TRAF3IP2: variants seen among roughly 807,000 people sequenced by gnomAD.
TRAF3IP2 encodes TRAF3 interacting protein 2.
A neutral mutation model predicts 57.9 loss-of-function variants in TRAF3IP2; 35 were observed. That is an observed-to-expected ratio of 0.60 (90% CI 0.46 to 0.80). The LOEUF (loss-of-function observed/expected upper bound fraction) is 0.80, where lower values mean the gene tolerates loss of function less well. TRAF3IP2 is among the 30% of genes least tolerant of loss of function. The probability of loss-of-function intolerance (pLI) is 0.00; values close to 1 mark genes in which losing one functional copy is unlikely to be tolerated. For synonymous variants in TRAF3IP2, 251 were observed against 268.9 expected (o/e 0.93, Z 0.65); for missense variants, 556 against 706.4 (o/e 0.79, Z 2.41).
At chr6:111,605,126 G>C (rs757525572) in intron 1 of TRAF3IP2, among the ~76,000 whole-genome samples, 11 of 151,412 alleles carry the variant, frequency 7.3e-5, no homozygotes, top group Middle Eastern at 3.2e-3. Context: ...ATACCATCTT[G>C]AACTTGAAAG....
At chr6:111,595,912 A>T (rs1167182166) in intron 1 of TRAF3IP2, among the ~76,000 whole-genome samples, 1 of 152,164 alleles carries the variant, frequency 6.6e-6, no homozygotes, top group African/African-American at 2.4e-5. Flanking sequence ...CCTACCTTCA[A>T]GTTGCTGTGA....
At chr6:111,560,387 G>A (rs893953115) in intron 8 of TRAF3IP2, among the ~76,000 whole-genome samples, 6 of 152,230 alleles carry the variant, frequency 3.9e-5, no homozygotes, top group Non-Finnish European at 5.9e-5. Context: ...AGTAGGTGCA[G>A]AGGTCTGGAA....
intron 8 of TRAF3IP2, among the ~76,000 whole-genome samples, chr6:111,560,326 T>C (rs1292501621): frequency 6.6e-6 from 1 of 151,278 alleles, no homozygotes; most frequent in African/African-American, 2.4e-5. Context: ...GTGGAGGGAG[T>C]GTGTTGGGTC....
rs1795353902 is a variant in TRAF3IP2 at position 111,559,456 on chromosome 6, A to G, written c.1647T>C (p.Tyr549=). 2 of 1,614,090 alleles carry G rather than the reference A, an allele frequency of 1.2e-6. No individual in the cohort carries two copies. Among genetic ancestry groups the G allele is most frequent in the South Asian group, 2.2e-5 (2 of 91,074 alleles). Reference sequence around the variant, plus strand: ...GCAGAGGCCCCCGTGGAGGAGCCACATACTCTTCCTCTCTCAGCAGCCGCA... The same window carrying G: ...GCAGAGGCCCCCGTGGAGGAGCCACGTACTCTTCCTCTCTCAGCAGCCGCA... ...ILLRLLREEE[Y]VAPPRGPLPT... Residue 549 remains tyrosine (Y), a synonymous_variant, in exon 9 of 9, where the codon TAT becomes TAC. Coordinates refer to ENST00000368761, the MANE Select transcript of TRAF3IP2 (RefSeq NM_147686.4).
chr6:111,596,208 T>C lies in TRAF3IP2; in HGVS notation c.-8-4114A>G, dbSNP rs568436587. On this transcript the variant is annotated intron_variant, in intron 1 of 8. Transcript: ENST00000368761. Reference sequence around the variant, plus strand: ...TTATATATTACCCAAATGTATATGATATACACAAATATCTAATAATCTCTT... The same window carrying C: ...TTATATATTACCCAAATGTATATGACATACACAAATATCTAATAATCTCTT... Among the ~76,000 whole-genome samples the C allele has an allele frequency of 4.6e-5, 7 of 152,356 alleles. No homozygotes were observed. In the South Asian group the frequency reaches 1.4e-3, roughly 32 times the overall value.
At chr6:111,563,750 T>C (rs553687833) in intron 7 of TRAF3IP2, among the ~76,000 whole-genome samples, 1 of 152,314 alleles carries the variant, frequency 6.6e-6, no homozygotes, top group South Asian at 2.1e-4. Context: ...CAGCTACTAA[T>C]GCACTGTGAC....
intron 1 of TRAF3IP2, among the ~76,000 whole-genome samples, chr6:111,596,007 A>G (rs1322192148): frequency 2.6e-5 from 4 of 151,988 alleles, no homozygotes; most frequent in African/African-American, 9.7e-5. Context: ...CTCCCTCTTC[A>G]TGGAACACCC....
intron 4 of TRAF3IP2, chr6:111,574,561 G>T (rs559369834): frequency 6.6e-6 from 1 of 152,348 alleles, no homozygotes; most frequent in South Asian, 2.1e-4. Flanking sequence ...GCATTTGGTT[G>T]TGATGCAGTA....
At chr6:111,604,142 G>T (rs1267724103) in intron 1 of TRAF3IP2, among the ~76,000 whole-genome samples, 1 of 152,142 alleles carries the variant, frequency 6.6e-6, no homozygotes. Flanking sequence ...GAAACCAAAA[G>T]TCCTGCACCA....
At chr6:111,598,521 G>A (rs1179472892) in intron 1 of TRAF3IP2, among the ~76,000 whole-genome samples, 1 of 152,188 alleles carries the variant, frequency 6.6e-6, no homozygotes, top group East Asian at 1.9e-4. Flanking sequence ...AGGGCTGTGT[G>A]AACTGAAATG....
At chr6:111,576,396 A>C (rs2128376035) in intron 3 of TRAF3IP2, 1 of 152,438 alleles carries the variant, frequency 6.6e-6, no homozygotes, top group African/African-American at 2.4e-5. Context: ...ATGAACAATC[A>C]GATGACCTCG....
At position 111,591,474 on chromosome 6, in the gene TRAF3IP2, C is replaced by A; in HGVS notation, c.613G>T (p.Asp205Tyr). The A allele has an allele frequency of 6.2e-7, 1 of 1,603,162 alleles. No homozygotes were observed. The highest frequency in any genetic ancestry group is 8.5e-7 in the Non-Finnish European group (1 of 1,172,794). Residue 205 changes from aspartate (D) to tyrosine (Y), a missense_variant, in exon 2 of 9, where the codon GAT becomes TAT. Asp to Tyr is a radical substitution (Grantham distance 160, BLOSUM62 -3). This residue lies in a region of TRAF3IP2 where 428 missense variants were observed against 498.7 expected (regional missense o/e 0.86). Coordinates refer to ENST00000368761, the MANE Select transcript of TRAF3IP2 (RefSeq NM_147686.4). The surrounding 1 kb of genome is among the most constrained non-coding windows in gnomAD (Gnocchi z 4.9). ...TCCAGCTGCCTGATGCCCAGGACAT[C>A]CTGGGGCTGGGAATCATATCCCGTG... ...IDTGYDSQPQ[D>Y]VLGIRQLERP...
At chr6:111,568,268 T>C (rs1306847949) in intron 5 of TRAF3IP2, among the ~76,000 whole-genome samples, 2 of 152,218 alleles carry the variant, frequency 1.3e-5, no homozygotes, top group East Asian at 3.8e-4. Flanking sequence ...AAGAGGTTTA[T>C]GATGAAAGTC....
intron 3 of TRAF3IP2, among the ~76,000 whole-genome samples, chr6:111,579,795 A>C (rs1796101143): frequency 6.6e-6 from 1 of 152,254 alleles, no homozygotes. Flanking sequence ...TAACATTTTA[A>C]AGTAAGAAAT....
At chr6:111,598,125 G>A (rs945224845) in intron 1 of TRAF3IP2, 4 of 334,444 alleles carry the variant, frequency 1.2e-5, no homozygotes, top group Non-Finnish European at 2.4e-5. Context: ...CCTCTCTGAG[G>A]CTCCCAATAC....
At chr6:111,567,362 C>T (rs1187822064) in intron 6 of TRAF3IP2, 2 of 1,212,422 alleles carry the variant, frequency 1.6e-6, no homozygotes, top group African/African-American at 1.6e-5. Context: ...CTTTCCTATT[C>T]TCGTCAAAAG....
chr6:111,576,321 G>A (rs1245141316), intron 3 of TRAF3IP2: 2 of 153,046 alleles, frequency 1.3e-5, no homozygotes, highest in Admixed American at 1.3e-4. Context: ...TAAAGAAGTT[G>A]CTACCATATT....
rs141744847 is a variant in TRAF3IP2 at position 111,571,579 on chromosome 6, G to T, written c.1290+1316C>A. Among the ~76,000 whole-genome samples the T allele has an allele frequency of 2.0e-5, 3 of 152,232 alleles. No individual in the cohort carries two copies. The East Asian group carries it at 5.8e-4, about 29-fold the overall frequency. ...TAGTCTCTATATAATTATGGAGTTG[G>T]ATTGTATAAGTTGTATGCATTTTTT... On this transcript the variant is annotated intron_variant, in intron 5 of 8. Coordinates refer to ENST00000368761, the MANE Select transcript of TRAF3IP2 (RefSeq NM_147686.4).
intron 2 of TRAF3IP2, among the ~76,000 whole-genome samples, chr6:111,584,061 A>G (rs956909362): frequency 2.6e-5 from 4 of 152,166 alleles, no homozygotes; most frequent in Admixed American, 2.0e-4. Flanking sequence ...ATATTGTTTT[A>G]TTTGCTTTAA....
Sources: gnomAD v4.1 joint callset for allele counts (sites outside exome capture counted in the v4.1 genomes callset) on GRCh38, gnomAD v4.1.1 for gene constraint, gnomAD v4.1.1 regional missense constraint, Gnocchi (gnomAD v3.1) non-coding constraint, MANE v1.5 for transcripts, NCBI Gene and HGNC (gene_info 2026-07-23, HGNC 2026-07-21) for gene names.